The following TMTC1 variants were observed in gnomAD, a reference collection of about 807,000 sequenced individuals.
The protein encoded by TMTC1 is protein O-mannosyl-transferase TMTC1.
A neutral mutation model predicts 104.8 loss-of-function variants in TMTC1; 73 were observed. The ratio of observed to expected loss-of-function variants is 0.70; its 90% confidence interval spans 0.58 to 0.85. The LOEUF (loss-of-function observed/expected upper bound fraction) is 0.85. Ranked by LOEUF, TMTC1 falls within the 40% of genes least tolerant of loss-of-function variation. The pLI, the probability that TMTC1 is intolerant of heterozygous loss-of-function variation, is 0.00. For missense variants in TMTC1, 1,035 were observed against 1,096.1 expected (o/e 0.94, Z 0.79); for synonymous variants, 434 against 428.7 (o/e 1.01, Z -0.15).
intron 5 of TMTC1, among the ~76,000 whole-genome samples, chr12:29,748,529 A>G (rs1048097303): frequency 2.6e-5 from 4 of 152,228 alleles, no homozygotes; most frequent in African/African-American, 9.6e-5. Flanking sequence ...CTGGGTTCCA[A>G]TCCTGACCCT....
intron 5 of TMTC1, among the ~76,000 whole-genome samples, chr12:29,640,103 T>C (rs570066957): frequency 6.6e-6 from 1 of 152,220 alleles, no homozygotes; most frequent in Non-Finnish European, 1.5e-5. Context: ...CTGGGACCCA[T>C]AGAGATAGTG....
At chr12:29,685,871 A>G (rs2136734649) in intron 5 of TMTC1, among the ~76,000 whole-genome samples, 1 of 149,638 alleles carries the variant, frequency 6.7e-6, no homozygotes, top group Non-Finnish European at 1.5e-5. Context: ...TAAACAAACT[A>G]CTCTTTAGCT....
At chr12:29,674,629 C>A (rs1243043801) in intron 5 of TMTC1, among the ~76,000 whole-genome samples, 1 of 152,220 alleles carries the variant, frequency 6.6e-6, no homozygotes, top group Non-Finnish European at 1.5e-5. Flanking sequence ...GTTGTCCATG[C>A]ACAAGGCAGC....
At chr12:29,765,227 A>G (rs1409842847) in intron 2 of TMTC1, among the ~76,000 whole-genome samples, 1 of 152,190 alleles carries the variant, frequency 6.6e-6, no homozygotes, top group Non-Finnish European at 1.5e-5. Context: ...AAAATTTTTC[A>G]TCATAATTTT....
intron 2 of TMTC1, among the ~76,000 whole-genome samples, chr12:29,759,539 T>C (rs1943295917): frequency 6.6e-6 from 1 of 152,180 alleles, no homozygotes; most frequent in African/African-American, 2.4e-5. Context: ...TTTGAACTCA[T>C]GATTGCTATA....
At chr12:29,759,980 A>C (rs1943306041) in intron 2 of TMTC1, among the ~76,000 whole-genome samples, 1 of 152,228 alleles carries the variant, frequency 6.6e-6, no homozygotes, top group Non-Finnish European at 1.5e-5. Context: ...CACATATATG[A>C]TGGTGGTCCC....
intron 6 of TMTC1, among the ~76,000 whole-genome samples, chr12:29,628,303 C>T (rs377031288): frequency 3.3e-5 from 5 of 152,068 alleles, no homozygotes; most frequent in African/African-American, 1.2e-4. Context: ...AAAGGAACAA[C>T]GTGGTACAAC....
Position 29,505,954 on chromosome 12 carries a change from C to T in TMTC1, c.*892G>A, listed in dbSNP as rs1943685281. The T allele has an allele frequency of 6.6e-6, 1 of 151,980 alleles. No homozygotes were observed. The highest frequency in any genetic ancestry group is 1.5e-5 in the Non-Finnish European group (1 of 67,978). The allele number at this position is 151,980 out of a possible 1,614,324, so 9.4% of individuals were successfully genotyped here. A position where few individuals can be genotyped will look rare whatever the true frequency, so the allele number is the denominator to read the frequency against. On this transcript the variant is annotated 3_prime_UTR_variant, in exon 18 of 18. Coordinates refer to ENST00000539277, the MANE Select transcript of TMTC1 (RefSeq NM_001193451.2). ...AATAATAAATCTCATGATGTCTGAA[C>T]ATTAAGATAATAAAGTAGGACATTT...
At chr12:29,542,163 A>G (rs1944818960) in intron 10 of TMTC1, among the ~76,000 whole-genome samples, 1 of 152,196 alleles carries the variant, frequency 6.6e-6, no homozygotes, top group Non-Finnish European at 1.5e-5. Context: ...GGTGAAAAAT[A>G]GATAAAATCG....
At chr12:29,708,820 AT>A (rs1283947515) in intron 5 of TMTC1, among the ~76,000 whole-genome samples, 1 of 152,200 alleles carries the variant, frequency 6.6e-6, no homozygotes, top group African/African-American at 2.4e-5. Context: ...AACAAGAGAG[AT>A]TCCCAAAGTT....
Position 29,583,543 on chromosome 12 carries a change from G to C in TMTC1, c.1282C>G (p.Leu428Val). The change falls in exon 8 of 18, where the codon CTG (leucine) becomes GTG (valine). Residue 428 changes from leucine (L) to valine (V), a missense_variant. By Grantham distance (32) the Leu-to-Val change is conservative. Transcript: ENST00000539277. ...TTCAGCCAAGTGCAGAGCTTGCTCA[G>C]TCCATGCACAAAAAGGATGCAGTAG... ...MGYCILFVHG[L>V]SKLCTWLNRC... is the part of the protein sequence containing the mutation. 1 of 1,613,684 alleles carries C rather than the reference G, an allele frequency of 6.2e-7. No individual in the cohort carries two copies. Among genetic ancestry groups the C allele is most frequent in the Non-Finnish European group, 8.5e-7 (1 of 1,179,784 alleles).
intron 2 of TMTC1, among the ~76,000 whole-genome samples, chr12:29,760,095 G>T (rs954223213): frequency 6.6e-6 from 1 of 152,094 alleles, no homozygotes; most frequent in Non-Finnish European, 1.5e-5. Context: ...TATTCAGTAC[G>T]GTAGCCTAAG....
At position 29,557,988 on chromosome 12, in the gene TMTC1, G is replaced by T. The variant is rs536620495; in HGVS notation, c.1533-988C>A. Among the ~76,000 whole-genome samples the T allele has an allele frequency of 2.0e-5, 3 of 152,212 alleles. No individual in the cohort carries two copies. The East Asian group carries it at 5.8e-4, about 29-fold the overall frequency. On this transcript the variant is annotated intron_variant, in intron 9 of 17. Coordinates refer to ENST00000539277, the MANE Select transcript of TMTC1 (RefSeq NM_001193451.2). ...AGACAAAAAAACCCAAAGGTACGAT[G>T]AAGTCAAAAATAGCATTCCTAATGT...
chr12:29,766,443 G>C (rs188592264), intron 2 of TMTC1, among the ~76,000 whole-genome samples: 102 of 152,232 alleles, frequency 6.7e-4, no homozygotes, highest in Non-Finnish European at 1.2e-3. Context: ...TACTTCTAAG[G>C]CCATGTTATA....
At chr12:29,640,018 A>G (rs973988096) in intron 5 of TMTC1, among the ~76,000 whole-genome samples, 8 of 152,360 alleles carry the variant, frequency 5.3e-5, no homozygotes, top group Middle Eastern at 3.4e-3. Context: ...AAGGTGCTAG[A>G]TAAGTGCTAT....
intron 8 of TMTC1, 90 bp from the exon 9 acceptor site, chr12:29,572,308 A>G (rs1945701435): frequency 1.9e-6 from 2 of 1,074,638 alleles, no homozygotes; most frequent in Non-Finnish European, 2.8e-6. Context: ...ATGAACCTGT[A>G]TTTGAAATGT....
chr12:29,700,521 C>A (rs1363426015), intron 5 of TMTC1, among the ~76,000 whole-genome samples: 1 of 152,036 alleles, frequency 6.6e-6, no homozygotes, highest in African/African-American at 2.4e-5. Context: ...TTTATCTGGT[C>A]TCCTAAGATC....
At chr12:29,725,096 C>G (rs1942350100) in intron 5 of TMTC1, among the ~76,000 whole-genome samples, 1 of 132,070 alleles carries the variant, frequency 7.6e-6, no homozygotes, top group South Asian at 2.5e-4. Context: ...TTTCGGCTCA[C>G]TGTAACCTCC....
At chr12:29,585,218 T>G (rs1345695500) in intron 7 of TMTC1, among the ~76,000 whole-genome samples, 1 of 152,198 alleles carries the variant, frequency 6.6e-6, no homozygotes, top group Non-Finnish European at 1.5e-5. Flanking sequence ...TCATGTGTTT[T>G]TTGGCTGCAT....
Sources: gnomAD v4.1 joint callset for allele counts (sites outside exome capture counted in the v4.1 genomes callset) on GRCh38, gnomAD v4.1.1 for gene constraint, MANE v1.5 for transcripts, NCBI Gene and HGNC (gene_info 2026-07-23, HGNC 2026-07-21) for gene names.